Variants in TRIM9 observed in about 807,000 individuals in gnomAD.
TRIM9 encodes E3 ubiquitin-protein ligase TRIM9.
A neutral mutation model predicts 78.3 loss-of-function variants in TRIM9; 26 were observed. That is an observed-to-expected ratio of 0.33 (90% CI 0.24 to 0.46). The LOEUF (loss-of-function observed/expected upper bound fraction) is 0.46. Among genes scored for constraint, TRIM9 ranks in the 20% least tolerant of loss-of-function variants. TRIM9 has a pLI of 1.00. For missense variants in TRIM9, 787 were observed against 1,036.4 expected, an observed-to-expected ratio of 0.76 and a Z score of 3.30; for synonymous variants, 398 against 416.5, an observed-to-expected ratio of 0.96 and a Z score of 0.54.
intron 5 of TRIM9, among the ~76,000 whole-genome samples, chr14:51,004,300 C>G (rs925914235): frequency 7.2e-5 from 11 of 152,222 alleles, no homozygotes; most frequent in Non-Finnish European, 1.5e-4. Flanking sequence ...TTCTCACTGA[C>G]TTCCTTGAAG....
At chr14:51,020,046 C>T (rs878975656) in intron 3 of TRIM9, among the ~76,000 whole-genome samples, 1 of 152,194 alleles carries the variant, frequency 6.6e-6, no homozygotes, top group Admixed American at 6.5e-5. Flanking sequence ...GAAAAATACA[C>T]ACACAACTCC....
At chr14:50,997,878 A>G in intron 7 of TRIM9, 172 bp downstream of exon 7, 12 of 1,438,898 alleles carry the variant, frequency 8.3e-6, no homozygotes, top group Non-Finnish European at 1.1e-5. Context: ...TCACATCCAC[A>G]TACCATAGGC....
intron 1 of TRIM9, among the ~76,000 whole-genome samples, chr14:51,040,030 G>A (rs1487033460): frequency 5.9e-5 from 9 of 152,210 alleles, no homozygotes; most frequent in Admixed American, 2.6e-4. Flanking sequence ...TGATCCGCCC[G>A]CCTCGGTCTC....
Position 50,986,050 on chromosome 14 carries a change from T to C in TRIM9, c.1698A>G (p.Leu566=), listed in dbSNP as rs1379296903. The C allele has an allele frequency of 1.3e-6, 2 of 1,549,778 alleles. No individual in the cohort carries two copies. The highest frequency in any genetic ancestry group is 1.7e-6 in the Non-Finnish European group (2 of 1,146,584). The stretch of plus-strand genomic sequence containing the variant: ...AGGATCTCCCGGGGAAGCTGGGTTG[T>C]AGATTAAGGGTGGAGGAGAAAGGAC... ...RMSPFSSTLN[L]QPSFPGRSYF... Residue 566 remains leucine, a synonymous_variant, in exon 8 of 13, where the codon CTA becomes CTG. Transcript: ENST00000684578.
At chr14:50,993,518 G>A (rs1256599991) in intron 7 of TRIM9, among the ~76,000 whole-genome samples, 5 of 151,962 alleles carry the variant, frequency 3.3e-5, no homozygotes, top group Admixed American at 6.6e-5. Context: ...ACAGGCGCCC[G>A]CCACCACACC....
intron 1 of TRIM9, among the ~76,000 whole-genome samples, chr14:51,071,289 T>C (rs976337502): frequency 4.0e-5 from 6 of 150,470 alleles, no homozygotes; most frequent in Non-Finnish European, 4.4e-5. Context: ...GGCAGGGGAA[T>C]TGCTTGAACC....
At chr14:50,998,276 G>A in intron 6 of TRIM9, 88 bp from the exon 7 acceptor site, 1 of 1,243,584 alleles carries the variant, frequency 8.0e-7, no homozygotes, top group South Asian at 1.4e-5. Flanking sequence ...TTAGGAGCAA[G>A]AGCCCTGGTG....
At chr14:51,039,896 G>A (rs1329541816) in intron 1 of TRIM9, among the ~76,000 whole-genome samples, 8 of 151,914 alleles carry the variant, frequency 5.3e-5, no homozygotes, top group African/African-American at 1.2e-4. Flanking sequence ...ACAGGCGCCC[G>A]CCACCACGCC....
chr14:51,067,861 TTA>T (rs1260434392), intron 1 of TRIM9, among the ~76,000 whole-genome samples: 2 of 97,820 alleles, frequency 2.0e-5, no homozygotes, highest in African/African-American at 7.2e-5. Flanking sequence ...AATCTACTGT[TTA>T]TTTTATTTTG....
chr14:51,022,747 A>G (rs779890305), intron 3 of TRIM9, 88 bp downstream of exon 3: 99 of 1,567,696 alleles, frequency 6.3e-5, no homozygotes, highest in Middle Eastern at 2.0e-4. Context: ...CCTCCTGTCC[A>G]TGGGAAGGAA....
chr14:51,036,136 G>A (rs1184387514), intron 1 of TRIM9, among the ~76,000 whole-genome samples: 1 of 152,142 alleles, frequency 6.6e-6, no homozygotes, highest in African/African-American at 2.4e-5. Context: ...GGCAAAAAGT[G>A]GCTCTTCCAC....
chr14:51,012,709 C>T (rs542149724), intron 3 of TRIM9, among the ~76,000 whole-genome samples: 7 of 152,292 alleles, frequency 4.6e-5, no homozygotes, highest in South Asian at 2.1e-4. Context: ...TCCACATCCT[C>T]GCCCACACTT....
At chr14:51,067,866 T>C (rs1165447598) in intron 1 of TRIM9, among the ~76,000 whole-genome samples, 1 of 152,182 alleles carries the variant, frequency 6.6e-6, no homozygotes, top group Non-Finnish European at 1.5e-5. Context: ...ACTGTTTATT[T>C]TATTTTGTGT....
At chr14:51,086,838 T>C (rs114136023) in intron 1 of TRIM9, among the ~76,000 whole-genome samples, 3,252 of 152,114 alleles carry the variant, frequency 0.021, 127 homozygotes, top group African/African-American at 0.073. Context: ...AGTGGATGAG[T>C]TTCTTGAGAC....
intron 1 of TRIM9, among the ~76,000 whole-genome samples, chr14:51,035,229 G>A (rs1168887737): frequency 6.6e-6 from 1 of 152,040 alleles, no homozygotes; most frequent in East Asian, 1.9e-4. Flanking sequence ...TCTTCTTAAA[G>A]TTCTTTTGAT....
intron 1 of TRIM9, among the ~76,000 whole-genome samples, chr14:51,065,221 G>T (rs897535797): frequency 6.6e-6 from 1 of 152,146 alleles, no homozygotes; most frequent in African/African-American, 2.4e-5. Context: ...CAATATGTGT[G>T]AAATGTTCCA....
intron 1 of TRIM9, among the ~76,000 whole-genome samples, chr14:51,071,372 G>A (rs796245999): frequency 1.3e-4 from 14 of 105,160 alleles, no homozygotes; most frequent in Admixed American, 4.4e-4. Context: ...GTGAAACTCC[G>A]TCTAAAAAAA....
At chr14:51,066,366 CT>C (rs1391257857) in intron 1 of TRIM9, among the ~76,000 whole-genome samples, 1 of 152,166 alleles carries the variant, frequency 6.6e-6, no homozygotes, top group Non-Finnish European at 1.5e-5. Flanking sequence ...AGTACTTTGT[CT>C]TTGTCTCATA....
chr14:51,028,414 A>T (rs2058446091), intron 1 of TRIM9, among the ~76,000 whole-genome samples: 1 of 152,220 alleles, frequency 6.6e-6, no homozygotes, highest in Non-Finnish European at 1.5e-5. Flanking sequence ...TGGTATTTTA[A>T]TCACATTTAT....
Sources: allele counts gnomAD v4.1 joint callset (sites outside exome capture counted in the v4.1 genomes callset), GRCh38; gene constraint gnomAD v4.1.1; transcripts MANE v1.5; gene names NCBI Gene and HGNC (gene_info 2026-07-23, HGNC 2026-07-21).